Variants in OR10G4 observed in about 807,000 individuals in gnomAD.
OR10G4 encodes the protein olfactory receptor family 10 subfamily G member 4, also known as olfactory receptor 10G4.
For synonymous variants in OR10G4, 130 were observed against 159.3 expected (o/e 0.82, Z 1.39); for missense variants, 318 against 388.8 (o/e 0.82, Z 1.53).
Position 124,016,696 on chromosome 11 carries a change from A to G in OR10G4, c.*186A>G, listed in dbSNP as rs1168065253. On this transcript the variant is annotated 3_prime_UTR_variant, in exon 2 of 2. Transcript: ENST00000641722. ...ACAGCTAGACTTATATTTATGATGA[A>G]CATGATTATATTCTGAATTATTGAC... is the stretch of plus-strand genomic sequence containing the variant. 6 of 468,454 alleles carry G rather than the reference A, an allele frequency of 1.3e-5. No homozygotes were observed. 29.0% of individuals were successfully genotyped at this position (468,454 alleles called of 1,614,324 possible). A position where few individuals can be genotyped will look rare whatever the true frequency, so the allele number is the denominator to read the frequency against.
chr11:124,018,036 A>T lies in OR10G4; in HGVS notation c.*1526A>T, dbSNP rs1231471140. ...TTTGGGGTATCTGGGTATTCAGAAT[A>T]AAAAAAATTAGTCTCGATCCTATTT... On this transcript the variant is annotated 3_prime_UTR_variant, in exon 2 of 2. Transcript: ENST00000641722. The T allele has an allele frequency of 6.6e-6, 1 of 151,770 alleles. No homozygotes were observed. Among genetic ancestry groups the T allele is most frequent in the African/African-American group, 2.4e-5 (1 of 41,214 alleles). 9.4% of individuals were successfully genotyped at this position (151,770 alleles called of 1,614,324 possible).
At position 124,015,828 on chromosome 11, in the gene OR10G4, C is replaced by T. The variant is rs754914094; in HGVS notation, c.254C>T (p.Ser85Phe). ...CCCAAAATGCTGATGACCTTGGTGT[C>T]CCCAAGCGGCAGGGCTATCTCCTTC... ...TVPKMLMTLV[S>F]PSGRAISFHS... The change falls in exon 2 of 2, where the codon TCC becomes TTC. Residue 85 changes from serine to phenylalanine, a missense_variant. Ser to Phe is a radical substitution (Grantham distance 155). Transcript: ENST00000641722. 14 of 1,609,124 alleles carry T rather than the reference C, an allele frequency of 8.7e-6. No individual in the cohort carries two copies. Among genetic ancestry groups the T allele is most frequent in the South Asian group, 2.2e-5 (2 of 90,934 alleles).
chr11:124,016,115 C>T lies in OR10G4; in HGVS notation c.541C>T (p.Pro181Ser), dbSNP rs1893764. Residue 181 changes from proline (P) to serine (S), a missense_variant, in exon 2 of 2, where the codon CCG becomes TCG. By Grantham distance (74) the Pro-to-Ser change is moderately conservative. Coordinates refer to ENST00000641722, the MANE Select transcript of OR10G4 (RefSeq NM_001004462.2). ...NQIQHYFCDAPPILKLACADT... is the reference protein window; with the variant it reads ...NQIQHYFCDASPILKLACADT... Reference sequence around the variant, plus strand: ...GATCCAGCACTACTTCTGTGACGCACCGCCCATCCTGAAACTGGCCTGTGC... The same window carrying T: ...GATCCAGCACTACTTCTGTGACGCATCGCCCATCCTGAAACTGGCCTGTGC... 0.02 allele frequency: 31,633 copies of T among 1,613,890 alleles called. 1,867 individuals carry two copies. Among genetic ancestry groups the T allele is most frequent in the Admixed American group, 0.17 (9,938 of 60,008 alleles).
chr11:124,014,745 C>T (rs1376042243), intron 1 of OR10G4, among the ~76,000 whole-genome samples: 1 of 152,048 alleles, frequency 6.6e-6, no homozygotes, highest in Non-Finnish European at 1.5e-5. Flanking sequence ...TAAATTCTTG[C>T]TCTTTTAAGT....
In OR10G4 at chr11:124,016,136, T is replaced by C. The variant is rs548590301; in HGVS notation, c.562T>C (p.Cys188Arg). ...CGCACCGCCCATCCTGAAACTGGCC[T>C]GTGCAGACACCTCAGCCAACGTGAT... ...CDAPPILKLA[C>R]ADTSANVMVI... is the part of the protein sequence containing the mutation. The change falls in exon 2 of 2, where the codon TGT (cysteine) becomes CGT (arginine). Residue 188 changes from cysteine (C) to arginine (R), a missense_variant. Coordinates refer to ENST00000641722, the MANE Select transcript of OR10G4 (RefSeq NM_001004462.2). The C allele has an allele frequency of 1.2e-6, 2 of 1,614,050 alleles. No individual in the cohort carries two copies. The highest frequency in any genetic ancestry group is 2.7e-5 in the African/African-American group (2 of 75,042).
In OR10G4 at chr11:124,017,149, T is replaced by A. The variant is rs1336695760; in HGVS notation, c.*639T>A. ...CACTATTTTAATTGGCAAGAATAGCTAGCTATTAATATTTAAAATATTACC... is the reference window on the plus strand; with the variant it reads ...CACTATTTTAATTGGCAAGAATAGCAAGCTATTAATATTTAAAATATTACC... On this transcript the variant is annotated 3_prime_UTR_variant, in exon 2 of 2. Transcript: ENST00000641722. 2 of 152,212 alleles carry A rather than the reference T, an allele frequency of 1.3e-5. No individual in the cohort carries two copies. The highest frequency in any genetic ancestry group is 3.8e-4 in the East Asian group (2 of 5,204). 9.4% of individuals were successfully genotyped at this position (152,212 alleles called of 1,614,324 possible).
At position 124,018,068 on chromosome 11, in the gene OR10G4, A is replaced by G. The variant is rs1189135157; in HGVS notation, c.*1558A>G. ...ATTAGTCTCGATCCTATTTCATACT[A>G]TACACATAAAAAACTCAATTATAGT... On this transcript the variant is annotated 3_prime_UTR_variant, in exon 2 of 2. Transcript: ENST00000641722. The G allele has an allele frequency of 6.6e-6, 1 of 152,234 alleles. No homozygotes were observed. Among genetic ancestry groups the G allele is most frequent in the Non-Finnish European group, 1.5e-5 (1 of 68,040 alleles). The allele number at this position is 152,234 out of a possible 1,614,324, so 9.4% of individuals were successfully genotyped here.
rs1864034741 is a variant in OR10G4 at position 124,017,943 on chromosome 11, T to C, written c.*1433T>C. On this transcript the variant is annotated 3_prime_UTR_variant, in exon 2 of 2. Coordinates refer to ENST00000641722, the MANE Select transcript of OR10G4 (RefSeq NM_001004462.2). ...AATACAGAGTAAAGAAATAGACTGA[T>C]ACATATTCGTATGACAAAGATGACA... The C allele has an allele frequency of 1.3e-5, 2 of 152,210 alleles. No individual in the cohort carries two copies. The highest frequency in any genetic ancestry group is 4.8e-5 in the African/African-American group (2 of 41,460). 9.4% of individuals were successfully genotyped at this position (152,210 alleles called of 1,614,324 possible). A position where few individuals can be genotyped will look rare whatever the true frequency, so the allele number is the denominator to read the frequency against.
At chr11:124,015,422 C>A in intron 1 of OR10G4, 126 bp from the exon 2 acceptor site, 1 of 912,368 alleles carries the variant, frequency 1.1e-6, no homozygotes, top group Non-Finnish European at 1.7e-6. Flanking sequence ...GTGAGGGAAG[C>A]TTTGTAACAA....
In OR10G4 at chr11:124,016,699, T is replaced by C; in HGVS notation, c.*189T>C. 1 of 466,140 alleles carries C rather than the reference T, an allele frequency of 2.1e-6. No homozygotes were observed. Among genetic ancestry groups the C allele is most frequent in the Non-Finnish European group, 3.7e-6 (1 of 269,652 alleles). The allele number at this position is 466,140 out of a possible 1,614,324, so 28.9% of individuals were successfully genotyped here. A position where few individuals can be genotyped will look rare whatever the true frequency, so the allele number is the denominator to read the frequency against. On this transcript the variant is annotated 3_prime_UTR_variant, in exon 2 of 2. Coordinates refer to ENST00000641722, the MANE Select transcript of OR10G4 (RefSeq NM_001004462.2). ...GCTAGACTTATATTTATGATGAACATGATTATATTCTGAATTATTGACTCA... is the reference window on the plus strand; with the variant it reads ...GCTAGACTTATATTTATGATGAACACGATTATATTCTGAATTATTGACTCA...
rs572982526 is a variant in OR10G4 at position 124,017,566 on chromosome 11, G to A, written c.*1056G>A. On this transcript the variant is annotated 3_prime_UTR_variant, in exon 2 of 2. Coordinates refer to ENST00000641722, the MANE Select transcript of OR10G4 (RefSeq NM_001004462.2). ...TTTTAAGCGACATGTGTAAGACCACGACAATAGAAATAAAATATTTTCAGA... is the reference window on the plus strand; with the variant it reads ...TTTTAAGCGACATGTGTAAGACCACAACAATAGAAATAAAATATTTTCAGA... 2 of 152,280 alleles carry A rather than the reference G, an allele frequency of 1.3e-5. No homozygotes were observed. Among genetic ancestry groups the A allele is most frequent in the East Asian group, 3.9e-4 (2 of 5,188 alleles). 9.4% of individuals were successfully genotyped at this position (152,280 alleles called of 1,614,324 possible).
rs557847916 is a variant in OR10G4 at position 124,016,524 on chromosome 11, A to C, written c.*14A>C. The stretch of plus-strand genomic sequence containing the variant: ...CAGAGGAAATAAATACTAGGAAGTA[A>C]ATACACTAGTTTGTTTAAAAATAGT... On this transcript the variant is annotated 3_prime_UTR_variant, in exon 2 of 2. Coordinates refer to ENST00000641722, the MANE Select transcript of OR10G4 (RefSeq NM_001004462.2). The C allele has an allele frequency of 1.2e-5, 18 of 1,529,552 alleles. No individual in the cohort carries two copies. The highest frequency in any genetic ancestry group is 1.5e-5 in the Non-Finnish European group (17 of 1,134,322). The allele number at this position is 1,529,552 out of a possible 1,614,324, so 94.7% of individuals were successfully genotyped here.
chr11:124,016,076 T>G lies in OR10G4; in HGVS notation c.502T>G (p.Cys168Gly), dbSNP rs1470742635. ...QTILTFHLPYCGPNQIQHYFC... is the reference protein window; with the variant it reads ...QTILTFHLPYGGPNQIQHYFC... ...CATATTGACTTTCCATTTGCCCTAC[T>G]GTGGACCCAACCAGATCCAGCACTA... Residue 168 changes from cysteine (C) to glycine (G), a missense_variant, in exon 2 of 2, where the codon TGT becomes GGT. Physicochemically the swap from Cys to Gly is radical, Grantham distance 159 (BLOSUM62 -3). Transcript: ENST00000641722. The G allele has an allele frequency of 6.2e-7, 1 of 1,613,912 alleles. No homozygotes were observed. The highest frequency in any genetic ancestry group is 8.5e-7 in the Non-Finnish European group (1 of 1,179,862).
chr11:124,015,746 T>C lies in OR10G4; in HGVS notation c.172T>C (p.Tyr58His). 6.2e-7 allele frequency: 1 copy of C among 1,606,402 alleles called. No homozygotes were observed. The highest frequency in any genetic ancestry group is 8.5e-7 in the Non-Finnish European group (1 of 1,174,180). The change falls in exon 2 of 2, where the codon TAC becomes CAC. Residue 58 changes from tyrosine to histidine, a missense_variant. Coordinates refer to ENST00000641722, the MANE Select transcript of OR10G4 (RefSeq NM_001004462.2). ...RVDSHLHTPM[Y>H]YFLTNLSFID... Reference sequence around the variant, plus strand: ...GGATTCTCACCTCCACACCCCCATGTACTACTTCCTCACCAACCTGTCCTT... The same window carrying C: ...GGATTCTCACCTCCACACCCCCATGCACTACTTCCTCACCAACCTGTCCTT...
rs61908597 is a variant in OR10G4, at chr11:124,016,468, G to A, written c.894G>A (p.Val298=). ...GAAACAAGGAGGTGAAGAAAGCTGT[G>A]TTGAAACTTAGAGACAAAGTAGCAC... ...TLRNKEVKKA[V]LKLRDKVAHP... Residue 298 remains valine, a synonymous_variant, in exon 2 of 2, where the codon GTG becomes GTA. Coordinates refer to ENST00000641722, the MANE Select transcript of OR10G4 (RefSeq NM_001004462.2). 124,494 of 1,609,010 alleles carry A rather than the reference G, an allele frequency of 0.077. 5,066 individuals carry two copies. The highest frequency in any genetic ancestry group is 0.094 in the Middle Eastern group (569 of 6,036).
chr11:124,016,276 C>G lies in OR10G4; in HGVS notation c.702C>G (p.Arg234=). 1.2e-6 allele frequency: 2 copies of G among 1,614,174 alleles called. No homozygotes were observed. Among genetic ancestry groups the G allele is most frequent in the Non-Finnish European group, 8.5e-7 (1 of 1,180,020 alleles). Residue 234 remains arginine (R), a synonymous_variant, in exon 2 of 2, where the codon CGC becomes CGG. Coordinates refer to ENST00000641722, the MANE Select transcript of OR10G4 (RefSeq NM_001004462.2). The part of the protein sequence containing the change: ...ILRIRTSDGR[R]RAFQTCASHC... ...GGATCCGCACCTCAGATGGGAGGCG[C>G]AGAGCCTTTCAGACCTGTGCCTCCC...
chr11:124,016,017 G>A lies in OR10G4; in HGVS notation c.443G>A (p.Trp148Ter), dbSNP rs1342652966. The change falls in exon 2 of 2, where the codon TGG (tryptophan) becomes TAG (stop). Residue 148 changes from tryptophan (W) to a stop codon, truncating the protein, a stop_gained. Transcript: ENST00000641722. LOFTEE classifies it low-confidence loss of function (END_TRUNC). ...SRCALLATGTWLSGSLHSAVQ... is the reference protein window; with the variant it reads ...SRCALLATGT The stretch of plus-strand genomic sequence containing the variant: ...TGTGCCCTCCTGGCCACCGGCACTT[G>A]GCTCAGTGGCTCTCTGCACTCTGCT... 6.2e-7 allele frequency: 1 copy of A among 1,613,942 alleles called. No individual in the cohort carries two copies. The highest frequency in any genetic ancestry group is 1.1e-5 in the South Asian group (1 of 91,082).
At position 124,016,518 on chromosome 11, in the gene OR10G4, G is replaced by C; in HGVS notation, c.*8G>C. The C allele has an allele frequency of 6.5e-7, 1 of 1,546,060 alleles. No homozygotes were observed. The stretch of plus-strand genomic sequence containing the variant: ...CATCCTCAGAGGAAATAAATACTAG[G>C]AAGTAAATACACTAGTTTGTTTAAA... On this transcript the variant is annotated 3_prime_UTR_variant, in exon 2 of 2. Coordinates refer to ENST00000641722, the MANE Select transcript of OR10G4 (RefSeq NM_001004462.2).
At position 124,017,888 on chromosome 11, in the gene OR10G4, T is replaced by A. The variant is rs1864034377; in HGVS notation, c.*1378T>A. On this transcript the variant is annotated 3_prime_UTR_variant, in exon 2 of 2. Transcript: ENST00000641722. ...TAACTCAGAGAGTGTTGCATTTGTA[T>A]GAGACTAGACAAATAGAAAAACGGA... is the stretch of plus-strand genomic sequence containing the variant. The A allele has an allele frequency of 6.6e-6, 1 of 152,186 alleles. No homozygotes were observed. Among genetic ancestry groups the A allele is most frequent in the African/African-American group, 2.4e-5 (1 of 41,440 alleles). The allele number at this position is 152,186 out of a possible 1,614,324, so 9.4% of individuals were successfully genotyped here.
Sources: allele counts gnomAD v4.1 joint callset (sites outside exome capture counted in the v4.1 genomes callset), GRCh38; gene constraint gnomAD v4.1.1; transcripts MANE v1.5; gene names NCBI Gene and HGNC (gene_info 2026-07-23, HGNC 2026-07-21).